RIC8B: variants seen among roughly 807,000 people sequenced by gnomAD.
RIC8B encodes the protein RIC8 guanine nucleotide exchange factor B, also known as chaperone Ric-8B.
RIC8B carries 16 observed loss-of-function variants against 57.5 expected under a neutral mutation model. That is an observed-to-expected ratio of 0.28 (90% CI 0.19 to 0.42). RIC8B has a LOEUF of 0.42. RIC8B is among the 10% of genes least tolerant of loss of function. RIC8B has a pLI of 1.00. For missense variants in RIC8B, 481 were observed against 677.0 expected (o/e 0.71, Z 3.21); for synonymous variants, 216 against 250.8 (o/e 0.86, Z 1.31).
chr12:106,825,001 A>T (rs1477933897), intron 3 of RIC8B, among the ~76,000 whole-genome samples: 1 of 152,162 alleles, frequency 6.6e-6, no homozygotes, highest in Non-Finnish European at 1.5e-5. Flanking sequence ...TCTCTATCAC[A>T]ATTGTCTCTA....
intron 2 of RIC8B, 55 bp from the exon 3 acceptor site, chr12:106,814,641 T>C: frequency 6.6e-7 from 1 of 1,516,992 alleles, no homozygotes. Flanking sequence ...AAACATTCTG[T>C]GTTAAGTCAT....
rs1009288142 is a variant in RIC8B at position 106,858,991 on chromosome 12, C to T, written c.1307-1277C>T. Reference sequence around the variant, plus strand: ...CTTTCCACCATCCCTTTCAGTTCCCCAGTCATTTTAATTACCTTTTTCTGA... The same window carrying T: ...CTTTCCACCATCCCTTTCAGTTCCCTAGTCATTTTAATTACCTTTTTCTGA... On this transcript the variant is annotated intron_variant, in intron 7 of 9. Coordinates refer to ENST00000392837, the MANE Select transcript of RIC8B (RefSeq NM_001330145.2). 3.9e-5 allele frequency among the ~76,000 whole-genome samples: 6 copies of T among 152,204 alleles called. No individual in the cohort carries two copies. The East Asian group carries it at 1.2e-3, about 29-fold the overall frequency.
chr12:106,820,961 G>A (rs1055589022), intron 3 of RIC8B, among the ~76,000 whole-genome samples: 41 of 152,110 alleles, frequency 2.7e-4, no homozygotes, highest in African/African-American at 9.2e-4. Context: ...CATCCTTAGG[G>A]ACTTCTTTTC....
chr12:106,818,654 G>T (rs2045698211), intron 3 of RIC8B, among the ~76,000 whole-genome samples: 1 of 152,144 alleles, frequency 6.6e-6, no homozygotes, highest in Non-Finnish European at 1.5e-5. Context: ...TTGCTATGTT[G>T]TTCAGGCTGG....
chr12:106,853,788 A>G (rs1264809459), intron 7 of RIC8B, among the ~76,000 whole-genome samples: 1 of 151,706 alleles, frequency 6.6e-6, no homozygotes, highest in African/African-American at 2.4e-5. Context: ...TTTTCCTTCC[A>G]ATTTGATTAT....
chr12:106,845,472 C>T (rs187392549), intron 6 of RIC8B, among the ~76,000 whole-genome samples: 52 of 152,322 alleles, frequency 3.4e-4, no homozygotes, highest in African/African-American at 1.0e-3. Context: ...TGCCATATCC[C>T]TTGTATTCCC....
intron 2 of RIC8B, among the ~76,000 whole-genome samples, chr12:106,803,214 TC>T (rs1293347886): frequency 8.3e-5 from 7 of 84,276 alleles, no homozygotes; most frequent in South Asian, 4.4e-4. Context: ...ATACCCTGTC[TC>T]AAAAAAAAAA....
chr12:106,875,261 A>C (rs186235436), intron 9 of RIC8B, among the ~76,000 whole-genome samples: 1 of 152,190 alleles, frequency 6.6e-6, no homozygotes, highest in Non-Finnish European at 1.5e-5. Flanking sequence ...AATTATAGAA[A>C]GCCTCATTTG....
At chr12:106,782,203 C>T (rs934628860) in intron 1 of RIC8B, among the ~76,000 whole-genome samples, 5 of 152,238 alleles carry the variant, frequency 3.3e-5, no homozygotes, top group South Asian at 2.1e-4. Context: ...TTCCAGTTCT[C>T]GCTTTTTTTC....
At chr12:106,838,919 G>A (rs2046741447) in intron 4 of RIC8B, among the ~76,000 whole-genome samples, 1 of 150,128 alleles carries the variant, frequency 6.7e-6, no homozygotes, top group Admixed American at 6.7e-5. Context: ...ACATGAAAAG[G>A]TACTTAACAT....
Position 106,774,711 on chromosome 12 carries a change from C to A in RIC8B, c.-35C>A, listed in dbSNP as rs1467228659. 1.3e-6 allele frequency: 2 copies of A among 1,519,090 alleles called. No homozygotes were observed. The highest frequency in any genetic ancestry group is 1.2e-5 in the South Asian group (1 of 80,904). 94.1% of individuals were successfully genotyped at this position (1,519,090 alleles called of 1,614,324 possible). On this transcript the variant is annotated 5_prime_UTR_variant, in exon 1 of 10. Transcript: ENST00000392837. ...TTACCTGGAGGCAGCGGCTTGGGCG[C>A]GCAGAGCGGCCGCGGCTCCCCCGCA...
intron 2 of RIC8B, among the ~76,000 whole-genome samples, chr12:106,807,724 A>C (rs138352716): frequency 6.6e-5 from 10 of 152,116 alleles, no homozygotes; most frequent in African/African-American, 2.4e-4. Flanking sequence ...AGTGTCTAAC[A>C]ATTAAACTGT....
intron 4 of RIC8B, among the ~76,000 whole-genome samples, chr12:106,826,564 G>A (rs1162919118): frequency 6.6e-6 from 1 of 152,042 alleles, no homozygotes; most frequent in Admixed American, 6.5e-5. Flanking sequence ...GACCAGCCTG[G>A]CCAACATGGT....
chr12:106,823,239 A>C (rs1452949800), intron 3 of RIC8B: 3 of 258,106 alleles, frequency 1.2e-5, no homozygotes, highest in Non-Finnish European at 2.4e-5. Flanking sequence ...TTCATGAGAG[A>C]AAAAAGAGTC....
intron 3 of RIC8B, among the ~76,000 whole-genome samples, chr12:106,820,440 A>C (rs542044987): frequency 6.6e-6 from 1 of 152,358 alleles, no homozygotes; most frequent in South Asian, 2.1e-4. Context: ...CAGGATATAA[A>C]GTCAGTTTTA....
intron 4 of RIC8B, among the ~76,000 whole-genome samples, chr12:106,832,583 T>A (rs1566104513): frequency 1.3e-5 from 2 of 150,894 alleles, no homozygotes; most frequent in Non-Finnish European, 3.0e-5. Flanking sequence ...AAAAAAAAAT[T>A]TATGCTTAAA....
intron 1 of RIC8B, among the ~76,000 whole-genome samples, chr12:106,780,723 G>A (rs1010376321): frequency 6.6e-6 from 1 of 152,128 alleles, no homozygotes; most frequent in African/African-American, 2.4e-5. Flanking sequence ...CATACACCAC[G>A]CAATTAGGTT....
intron 4 of RIC8B, among the ~76,000 whole-genome samples, chr12:106,832,465 G>A (rs2046394090): frequency 6.6e-6 from 1 of 151,996 alleles, no homozygotes; most frequent in Non-Finnish European, 1.5e-5. Context: ...TACTCAGGAG[G>A]CTGAGGCCGG....
chr12:106,808,979 A>G (rs1235047537), intron 2 of RIC8B, among the ~76,000 whole-genome samples: 4 of 152,132 alleles, frequency 2.6e-5, no homozygotes, highest in African/African-American at 9.7e-5. Flanking sequence ...ATTGATTCAG[A>G]GTGAAAAAAA....
Sources: allele counts gnomAD v4.1 joint callset (sites outside exome capture counted in the v4.1 genomes callset), GRCh38; gene constraint gnomAD v4.1.1; transcripts MANE v1.5; gene names NCBI Gene and HGNC (gene_info 2026-07-23, HGNC 2026-07-21).